The following LAMA3 variants were observed in gnomAD, a reference collection of about 807,000 sequenced individuals.
LAMA3 encodes the protein laminin subunit alpha-3.
In LAMA3, 281 loss-of-function variants were observed where a neutral mutation model predicts 402.0. The ratio of observed to expected loss-of-function variants is 0.70; its 90% CI spans 0.63 to 0.77. LAMA3 has a LOEUF of 0.77. LAMA3 is among the 30% of genes least tolerant of loss of function. The pLI is 0.00. For synonymous variants in LAMA3, 1,431 were observed against 1,558.4 expected (o/e 0.92, Z 1.93); for missense variants, 3,840 against 4,215.5 (o/e 0.91, Z 2.47).
At chr18:23,775,220 C>T (rs953001377) in intron 9 of LAMA3, among the ~76,000 whole-genome samples, 1 of 152,232 alleles carries the variant, frequency 6.6e-6, no homozygotes, top group Non-Finnish European at 1.5e-5. Context: ...CTATGCCTTA[C>T]TCCAGTGCAA....
intron 64 of LAMA3, 56 bp from the exon 65 acceptor site, chr18:23,931,006 C>T (rs960405085): frequency 6.9e-7 from 1 of 1,450,488 alleles, no homozygotes; most frequent in Non-Finnish European, 9.7e-7. Context: ...AGTAAAGATA[C>T]AGGCATAATC....
intron 44 of LAMA3, 25 bp from the exon 45 acceptor site, chr18:23,898,713 A>G: frequency 8.3e-7 from 1 of 1,208,046 alleles, no homozygotes; most frequent in South Asian, 1.2e-5. Context: ...CTGTAAAGTG[A>G]CATTCATTTG....
intron 34 of LAMA3, among the ~76,000 whole-genome samples, chr18:23,860,280 TG>T (rs2064187169): frequency 6.8e-6 from 1 of 147,384 alleles, no homozygotes; most frequent in East Asian, 1.9e-4. Context: ...TTTTTTTTTT[TG>T]AGACAGGGTC....
intron 62 of LAMA3, among the ~76,000 whole-genome samples, chr18:23,924,669 C>T (rs578008081): frequency 1.3e-5 from 2 of 150,840 alleles, no homozygotes; most frequent in African/African-American, 2.4e-5. Context: ...CTCAGCCTCC[C>T]GAGTAGCTGG....
intron 52 of LAMA3, 115 bp downstream of exon 52, chr18:23,905,739 A>G (rs1353260762): frequency 1.7e-6 from 1 of 592,444 alleles, no homozygotes; most frequent in East Asian, 3.1e-5. Flanking sequence ...GTCAATGCAG[A>G]TGATACCCTT....
rs188964585 is a variant in LAMA3 at position 23,883,213 on chromosome 18, C to T, written c.5222+1168C>T. Among the ~76,000 whole-genome samples, 61 of 152,240 alleles carry T rather than the reference C, an allele frequency of 4.0e-4. 1 individual carries two copies. The East Asian group carries it at 9.7e-3, about 24-fold the overall frequency. On this transcript the variant is annotated intron_variant, in intron 40 of 74. Coordinates refer to ENST00000313654, the MANE Select transcript of LAMA3 (RefSeq NM_198129.4). Reference sequence around the variant, plus strand: ...AAGCATCTGGATCTTATCCTCAGTGCGATGGAAATTTTGGGGCAGTTCTGA... The same window carrying T: ...AAGCATCTGGATCTTATCCTCAGTGTGATGGAAATTTTGGGGCAGTTCTGA...
rs551051725 is a variant in LAMA3 at position 23,918,451 on chromosome 18, T to A, written c.7923+1756T>A. Among the ~76,000 whole-genome samples, 1 of 152,366 alleles carries A rather than the reference T, an allele frequency of 6.6e-6. No individual in the cohort carries two copies. The highest frequency in any genetic ancestry group is 2.1e-4 in the South Asian group (1 of 4,828). On this transcript the variant is annotated intron_variant, in intron 60 of 74. Transcript: ENST00000313654. This position sits in a 1 kb window ranked among gnomAD's most constrained non-coding sequence, Gnocchi z 4.1. ...ATCTAGACTGACTTCCTGCTGTTTC[T>A]GTCTTGATCTGATTCTTACCAGGCT...
Position 23,796,546 on chromosome 18 carries a change from G to A in LAMA3, c.1603+12389G>A, listed in dbSNP as rs546462079. On this transcript the variant is annotated intron_variant, in intron 12 of 74. Coordinates refer to ENST00000313654, the MANE Select transcript of LAMA3 (RefSeq NM_198129.4). ...AAGAAAGATTGGGAAACCCTGTGAGGTCTAACTGTAGCATTCTTTTCCTTA... is the reference window on the plus strand; with the variant it reads ...AAGAAAGATTGGGAAACCCTGTGAGATCTAACTGTAGCATTCTTTTCCTTA... 7.2e-5 allele frequency among the ~76,000 whole-genome samples: 11 copies of A among 152,286 alleles called. No homozygotes were observed. The East Asian group carries it at 1.4e-3, about 19-fold the overall frequency.
chr18:23,788,062 C>T (rs1482684388), intron 12 of LAMA3, among the ~76,000 whole-genome samples: 1 of 151,790 alleles, frequency 6.6e-6, no homozygotes. Context: ...GAGAACAAAG[C>T]TGTATTGGAG....
intron 12 of LAMA3, among the ~76,000 whole-genome samples, chr18:23,784,871 G>C (rs527641532): frequency 6.6e-6 from 1 of 152,266 alleles, no homozygotes; most frequent in African/African-American, 2.4e-5. Context: ...GGAGAAAGAG[G>C]AGAAGATTAT....
Position 23,837,053 on chromosome 18 carries a change from C to T in LAMA3, c.3057C>T (p.Asp1019=), listed in dbSNP as rs1419669216. 1 of 1,613,760 alleles carries T rather than the reference C, an allele frequency of 6.2e-7. No homozygotes were observed. The highest frequency in any genetic ancestry group is 1.1e-5 in the South Asian group (1 of 91,064). Residue 1019 remains aspartate (D), a synonymous_variant, in exon 25 of 75, where the codon GAC becomes GAT. Transcript: ENST00000313654. ...IAMYELLADA[D]IQLKGHMARF... ...TGTATGAGCTATTGGCAGATGCAGA[C>T]ATTCAGCTCAAGGGACACATGGCCC... is the stretch of plus-strand genomic sequence containing the variant.
At chr18:23,796,181 C>T (rs899677340) in intron 12 of LAMA3, 10 of 314,026 alleles carry the variant, frequency 3.2e-5, no homozygotes, top group Admixed American at 1.5e-4. Context: ...GTTATGGCAG[C>T]TCAAGGTGAC....
In LAMA3 at chr18:23,918,707, G is replaced by A. The variant is rs2081726595; in HGVS notation, c.7923+2012G>A. On this transcript the variant is annotated intron_variant, in intron 60 of 74. Coordinates refer to ENST00000313654, the MANE Select transcript of LAMA3 (RefSeq NM_198129.4). The surrounding 1 kb of genome is among the most constrained non-coding windows in gnomAD (Gnocchi z 4.1). The stretch of plus-strand genomic sequence containing the variant: ...CTGGAGTTGAACCCTCCGGTGAATA[G>A]GAGCTTCTGTAGTTGCTCTCACGGA... Among the ~76,000 whole-genome samples the A allele has an allele frequency of 6.6e-6, 1 of 152,202 alleles. No homozygotes were observed. The highest frequency in any genetic ancestry group is 6.5e-5 in the Admixed American group (1 of 15,286).
intron 12 of LAMA3, among the ~76,000 whole-genome samples, chr18:23,799,158 C>T (rs1279752617): frequency 6.6e-6 from 1 of 152,146 alleles, no homozygotes; most frequent in Non-Finnish European, 1.5e-5. Flanking sequence ...CCTCTAGGAC[C>T]TTTGTGATCA....
At chr18:23,792,773 G>A (rs1463176162) in intron 12 of LAMA3, among the ~76,000 whole-genome samples, 1 of 152,204 alleles carries the variant, frequency 6.6e-6, no homozygotes, top group African/African-American at 2.4e-5. Flanking sequence ...CAAGGGATGT[G>A]TAGGTGTTTC....
At chr18:23,743,465 C>T (rs1367414285) in intron 2 of LAMA3, among the ~76,000 whole-genome samples, 3 of 152,178 alleles carry the variant, frequency 2.0e-5, no homozygotes, top group African/African-American at 7.2e-5. Context: ...TTTATTCATT[C>T]ATAGCATGTA....
intron 33 of LAMA3, 83 bp from the exon 34 acceptor site, chr18:23,858,606 G>A: frequency 8.3e-7 from 1 of 1,212,082 alleles, no homozygotes; most frequent in Non-Finnish European, 1.2e-6. Flanking sequence ...TCTTGTGTTG[G>A]TATTTAATTT....
At chr18:23,885,324 CCCCCCACCCCCCCA>C (rs1381244589) in intron 41 of LAMA3, among the ~76,000 whole-genome samples, 2 of 131,834 alleles carry the variant, frequency 1.5e-5, no homozygotes, top group African/African-American at 5.6e-5. Flanking sequence ...CCTAGATAGC[CCCCCCACCCCCCCA>C]CCCCCACCCC....
intron 72 of LAMA3, 51 bp from the exon 73 acceptor site, chr18:23,951,633 C>A: frequency 1.4e-6 from 2 of 1,443,966 alleles, no homozygotes; most frequent in South Asian, 1.2e-5. Flanking sequence ...AGGGGAAGGT[C>A]GGCTCCACCT....
Sources: gnomAD v4.1 joint callset for allele counts (sites outside exome capture counted in the v4.1 genomes callset) on GRCh38, gnomAD v4.1.1 for gene constraint, Gnocchi (gnomAD v3.1) non-coding constraint, MANE v1.5 for transcripts, NCBI Gene and HGNC (gene_info 2026-07-23, HGNC 2026-07-21) for gene names.